PCDHGB2: variants seen among roughly 807,000 people sequenced by gnomAD.
PCDHGB2 encodes protocadherin gamma-B2.
Under a neutral mutation model 59.3 loss-of-function variants are expected in PCDHGB2, and 55 were observed. That is an observed-to-expected ratio of 0.93 (90% CI 0.75 to 1.16). PCDHGB2 has a LOEUF of 1.16. Ranked by LOEUF, PCDHGB2 falls within the 50% of genes most tolerant of loss-of-function variation. PCDHGB2 has a pLI of 0.00. For missense variants in PCDHGB2, 1,228 were observed against 1,198.5 expected, an observed-to-expected ratio of 1.02 and a Z score of -0.36; for synonymous variants, 516 against 512.0, an observed-to-expected ratio of 1.01 and a Z score of -0.11.
At chr5:141,389,412 G>C (rs1039259671) in intron 1 of PCDHGB2, 21 of 1,613,470 alleles carry the variant, frequency 1.3e-5, no homozygotes, top group Non-Finnish European at 1.3e-5. Flanking sequence ...CGCGGAGAGC[G>C]GGGTGGTGTT....
chr5:141,414,587 G>C (rs775783880), intron 1 of PCDHGB2: 3 of 1,613,828 alleles, frequency 1.9e-6, no homozygotes, highest in Admixed American at 3.3e-5. Context: ...AACAACGCCA[G>C]GGGTGCCTCC....
At position 141,489,505 on chromosome 5, in the gene PCDHGB2, A is replaced by G. The variant is rs1198371307; in HGVS notation, c.2422-5302A>G. On this transcript the variant is annotated intron_variant, in intron 1 of 3. Transcript: ENST00000522605. The surrounding 1 kb of genome is among the most constrained non-coding windows in gnomAD (Gnocchi z 4.5). ...GAGTGGTGCCCTGGCAGTGAATCAA[A>G]AGATTGACCGAGAAAGCCTATGTGG... The G allele has an allele frequency of 1.9e-6, 3 of 1,613,972 alleles. No homozygotes were observed. The Admixed American group carries it at 5.0e-5, about 27-fold the overall frequency.
intron 1 of PCDHGB2, chr5:141,392,261 A>C (rs2150475228): frequency 6.6e-6 from 1 of 152,338 alleles, no homozygotes; most frequent in Admixed American, 6.5e-5. Flanking sequence ...TATTGGAGAC[A>C]TTTACAATAA....
At position 141,364,870 on chromosome 5, in the gene PCDHGB2, G is replaced by A. The variant is rs767440295; in HGVS notation, c.2421+2314G>A. On this transcript the variant is annotated intron_variant, in intron 1 of 3. Coordinates refer to ENST00000522605, the MANE Select transcript of PCDHGB2 (RefSeq NM_018923.3). Reference sequence around the variant, plus strand: ...TCAGCTCCAATCTGCACTTCTCTCTGGATGTGGTAAGCGGAACTGATGGAC... The same window carrying A: ...TCAGCTCCAATCTGCACTTCTCTCTAGATGTGGTAAGCGGAACTGATGGAC... The A allele has an allele frequency of 1.1e-5, 17 of 1,613,978 alleles. No individual in the cohort carries two copies. In the Admixed American group the frequency reaches 1.8e-4, roughly 17 times the overall value.
At chr5:141,368,374 T>TACACACATACAC (rs1250465847) in intron 1 of PCDHGB2, among the ~76,000 whole-genome samples, 1 of 152,022 alleles carries the variant, frequency 6.6e-6, no homozygotes, top group African/African-American at 2.4e-5. Context: ...CACATATATA[T>TACACACATACAC]ACACACATAC....
chr5:141,493,983 A>G lies in PCDHGB2; in HGVS notation c.2422-824A>G, dbSNP rs2099751203. Among the ~76,000 whole-genome samples the G allele has an allele frequency of 6.6e-6, 1 of 152,194 alleles. No homozygotes were observed. The highest frequency in any genetic ancestry group is 6.5e-5 in the Admixed American group (1 of 15,278). ...TGGCTGGCCAGAGCCCCACACCTTC[A>G]GCTAGGTGGGAGATGGCTACACATC... On this transcript the variant is annotated intron_variant, in intron 1 of 3. Coordinates refer to ENST00000522605, the MANE Select transcript of PCDHGB2 (RefSeq NM_018923.3). The surrounding 1 kb of genome is among the most constrained non-coding windows in gnomAD (Gnocchi z 4.3).
At position 141,480,148 on chromosome 5, in the gene PCDHGB2, G is replaced by C. The variant is rs139861128; in HGVS notation, c.2422-14659G>C. On this transcript the variant is annotated intron_variant, in intron 1 of 3. Transcript: ENST00000522605. ...ATAACTGTTAAACAATTATTAGCCA[G>C]CTCCTAGCATTTTGGGAGGCTGAGG... 9.2e-4 allele frequency among the ~76,000 whole-genome samples: 140 copies of C among 152,036 alleles called. 1 individual carries two copies. The highest frequency in any genetic ancestry group is 3.1e-3 in the African/African-American group (127 of 41,470).
intron 1 of PCDHGB2, chr5:141,394,001 G>T: frequency 6.2e-7 from 1 of 1,613,458 alleles, no homozygotes; most frequent in Non-Finnish European, 8.5e-7. Flanking sequence ...AATTAGAAAA[G>T]TCAATAGGTA....
At chr5:141,403,319 G>A (rs776881134) in intron 1 of PCDHGB2, 2 of 1,613,954 alleles carry the variant, frequency 1.2e-6, no homozygotes, top group East Asian at 2.2e-5. Flanking sequence ...AGAAATAGAA[G>A]TAACTGATAT....
At position 141,477,763 on chromosome 5, in the gene PCDHGB2, C is replaced by A. The variant is rs763322593; in HGVS notation, c.2422-17044C>A. On this transcript the variant is annotated intron_variant, in intron 1 of 3. Coordinates refer to ENST00000522605, the MANE Select transcript of PCDHGB2 (RefSeq NM_018923.3). The surrounding 1 kb of genome is among the most constrained non-coding windows in gnomAD (Gnocchi z 4.9). ...ATGGGGGCACCCCGGTCCTAGCCAC[C>A]AACATCAGCGTGAACATATTTGTCA... 5.0e-6 allele frequency: 8 copies of A among 1,613,894 alleles called. No homozygotes were observed. The East Asian group carries it at 1.6e-4, about 31-fold the overall frequency.
intron 1 of PCDHGB2, chr5:141,378,618 ATGAC>A (rs1399279904): frequency 2.6e-5 from 4 of 152,254 alleles, no homozygotes; most frequent in African/African-American, 7.2e-5. Context: ...CTAAAAATAG[ATGAC>A]TGACTGGTGA....
intron 1 of PCDHGB2, chr5:141,366,252 G>A (rs772676267): frequency 8.1e-6 from 13 of 1,613,596 alleles, no homozygotes; most frequent in Non-Finnish European, 1.1e-5. Context: ...CTCAAGCAGA[G>A]CCTCGTGGTG....
Position 141,431,135 on chromosome 5 carries a change from A to C in PCDHGB2, c.2422-63672A>C. ...TGGAGTAGAAGTAGAAGTAAGGGAC[A>C]TTAACGACAATGCGCCTTACTTTCG... On this transcript the variant is annotated intron_variant, in intron 1 of 3. Coordinates refer to ENST00000522605, the MANE Select transcript of PCDHGB2 (RefSeq NM_018923.3). The surrounding 1 kb of genome is among the most constrained non-coding windows in gnomAD (Gnocchi z 4.8). 1 of 1,614,266 alleles carries C rather than the reference A, an allele frequency of 6.2e-7. No homozygotes were observed. Among genetic ancestry groups the C allele is most frequent in the Non-Finnish European group, 8.5e-7 (1 of 1,180,042 alleles).
At chr5:141,423,755 G>GT (rs542747697) in intron 1 of PCDHGB2, 5 of 512,416 alleles carry the variant, frequency 9.8e-6, no homozygotes, top group Admixed American at 7.1e-5. Context: ...CTGTTTGGGG[G>GT]GGGGGTGGGG....
In PCDHGB2 at chr5:141,403,547, G is replaced by A. The variant is rs940508173; in HGVS notation, c.2421+40991G>A. ...AAACCCAGAGCTGGTGCTGGAGCGC[G>A]CCCTGGACAGGGAGGAGGCAACTGC... On this transcript the variant is annotated intron_variant, in intron 1 of 3. Coordinates refer to ENST00000522605, the MANE Select transcript of PCDHGB2 (RefSeq NM_018923.3). 3.4e-5 allele frequency: 55 copies of A among 1,613,888 alleles called. No individual in the cohort carries two copies. The highest frequency in any genetic ancestry group is 4.5e-5 in the Non-Finnish European group (53 of 1,179,904).
intron 2 of PCDHGB2, 143 bp from the exon 3 acceptor site, chr5:141,505,250 T>C: frequency 2.8e-6 from 4 of 1,439,476 alleles, no homozygotes; most frequent in Non-Finnish European, 9.3e-7. Flanking sequence ...ATTGTAGAAG[T>C]GCCTCCTACC....
At chr5:141,407,336 G>C (rs1005803062) in intron 1 of PCDHGB2, among the ~76,000 whole-genome samples, 1 of 152,124 alleles carries the variant, frequency 6.6e-6, no homozygotes, top group South Asian at 2.1e-4. Context: ...ATATTGAAAT[G>C]TATGTTAATT....
In PCDHGB2 at chr5:141,413,208, A is replaced by G. The variant is rs532127106; in HGVS notation, c.2421+50652A>G. The G allele has an allele frequency of 3.5e-5, 57 of 1,612,984 alleles. No individual in the cohort carries two copies. The African/African-American group carries it at 5.2e-4, about 15-fold the overall frequency. On this transcript the variant is annotated intron_variant, in intron 1 of 3. Coordinates refer to ENST00000522605, the MANE Select transcript of PCDHGB2 (RefSeq NM_018923.3). ...CTCAAAGGAATCGCTCAAAGGAATC[A>G]AAGGATTGCAGCGGGCTGGTCCTGC... is the stretch of plus-strand genomic sequence containing the variant.
chr5:141,403,855 A>G (rs750458276), intron 1 of PCDHGB2: 12 of 1,613,676 alleles, frequency 7.4e-6, no homozygotes, highest in Non-Finnish European at 1.0e-5. Flanking sequence ...CTGGGGAAAT[A>G]TCAACAGCAA....
Sources: allele counts gnomAD v4.1 joint callset (sites outside exome capture counted in the v4.1 genomes callset), GRCh38; gene constraint gnomAD v4.1.1; non-coding constraint Gnocchi (gnomAD v3.1); transcripts MANE v1.5; gene names NCBI Gene and HGNC (gene_info 2026-07-23, HGNC 2026-07-21).